Variants in SLC24A3 observed in about 807,000 individuals in gnomAD.
SLC24A3 encodes sodium/potassium/calcium exchanger 3.
A neutral mutation model predicts 75.8 loss-of-function variants in SLC24A3; 28 were observed. The observed-to-expected ratio is 0.37, with a 90% CI of 0.27 to 0.51. The LOEUF (loss-of-function observed/expected upper bound fraction) is 0.51, where lower values mean the gene tolerates loss of function less well. Ranked by LOEUF, SLC24A3 falls within the 20% of genes least tolerant of loss-of-function variation. The pLI, the probability that SLC24A3 is intolerant of heterozygous loss-of-function variation, is 0.94. For synonymous variants in SLC24A3, 372 were observed against 334.1 expected, an observed-to-expected ratio of 1.11 and a Z score of -1.24; for missense variants, 663 against 847.8, an observed-to-expected ratio of 0.78 and a Z score of 2.71.
intron 2 of SLC24A3, among the ~76,000 whole-genome samples, chr20:19,478,093 G>T (rs1313058928): frequency 1.3e-5 from 2 of 152,176 alleles, no homozygotes; most frequent in African/African-American, 4.8e-5. Flanking sequence ...GTTATTTGCA[G>T]GGATTTCATT....
At chr20:19,214,587 AT>A (rs1291543186) in intron 1 of SLC24A3, among the ~76,000 whole-genome samples, 1 of 152,044 alleles carries the variant, frequency 6.6e-6, no homozygotes, top group East Asian at 1.9e-4. Context: ...TATAAAAGAC[AT>A]TTTTTTCTGG....
At chr20:19,280,872 G>A in intron 1 of SLC24A3, 87 bp from the exon 2 acceptor site, 1 of 1,508,130 alleles carries the variant, frequency 6.6e-7, no homozygotes, top group Non-Finnish European at 8.9e-7. Context: ...AACAAGTGAT[G>A]GCTGATCAGG....
At chr20:19,604,666 G>A (rs990629584) in intron 6 of SLC24A3, among the ~76,000 whole-genome samples, 2 of 152,178 alleles carry the variant, frequency 1.3e-5, no homozygotes, top group African/African-American at 4.8e-5. Flanking sequence ...TTATTGTCAT[G>A]GACCAAGCAT....
intron 1 of SLC24A3, among the ~76,000 whole-genome samples, chr20:19,256,948 G>C (rs914600447): frequency 4.6e-5 from 7 of 152,036 alleles, no homozygotes; most frequent in Non-Finnish European, 8.8e-5. Flanking sequence ...TAATATGTCT[G>C]CTAGAAAATC....
chr20:19,297,104 A>G (rs1044938254), intron 2 of SLC24A3, among the ~76,000 whole-genome samples: 1 of 152,186 alleles, frequency 6.6e-6, no homozygotes. Context: ...ACATTTTACT[A>G]TACTGGCTAT....
At chr20:19,688,483 G>A (rs2032706068) in intron 12 of SLC24A3, among the ~76,000 whole-genome samples, 2 of 152,234 alleles carry the variant, frequency 1.3e-5, no homozygotes, top group Admixed American at 1.3e-4. Context: ...AGCCAGGCCC[G>A]CTTCCTGGGG....
intron 2 of SLC24A3, among the ~76,000 whole-genome samples, chr20:19,290,399 A>G (rs1230536299): frequency 3.3e-5 from 5 of 152,182 alleles, no homozygotes; most frequent in Non-Finnish European, 7.4e-5. Flanking sequence ...ATAGTGTTAG[A>G]AGATGGAGCT....
rs374379887 is a variant in SLC24A3, at chr20:19,625,841, G to A, written c.613-28221G>A. Among the ~76,000 whole-genome samples, 6 of 152,230 alleles carry A rather than the reference G, an allele frequency of 3.9e-5. No individual in the cohort carries two copies. The South Asian group carries it at 1.2e-3, about 32-fold the overall frequency. ...AAATATATATATATCTTTCCCTGAA[G>A]TCCCAGTTTCCCATTTCATCCCATC... On this transcript the variant is annotated intron_variant, in intron 6 of 16. Transcript: ENST00000328041.
At chr20:19,401,259 G>C (rs1242583432) in intron 2 of SLC24A3, among the ~76,000 whole-genome samples, 2 of 152,198 alleles carry the variant, frequency 1.3e-5, no homozygotes, top group African/African-American at 4.8e-5. Context: ...GGATGGTGCT[G>C]CCAATGATGA....
chr20:19,370,516 C>T (rs567686359), intron 2 of SLC24A3, among the ~76,000 whole-genome samples: 1 of 152,346 alleles, frequency 6.6e-6, no homozygotes, highest in East Asian at 1.9e-4. Flanking sequence ...CCTCATGGTC[C>T]TATGGCTTGA....
chr20:19,628,383 C>T (rs940797499), intron 6 of SLC24A3, among the ~76,000 whole-genome samples: 3 of 152,034 alleles, frequency 2.0e-5, no homozygotes, highest in African/African-American at 7.3e-5. Flanking sequence ...AATGTATAAA[C>T]CACATTGCCT....
At chr20:19,363,563 C>T (rs1234600034) in intron 2 of SLC24A3, among the ~76,000 whole-genome samples, 2 of 152,162 alleles carry the variant, frequency 1.3e-5, no homozygotes, top group African/African-American at 4.8e-5. Flanking sequence ...CATGTGTCTG[C>T]TGGGGATGCC....
chr20:19,385,567 C>G (rs1426438504), intron 2 of SLC24A3, among the ~76,000 whole-genome samples: 4 of 151,774 alleles, frequency 2.6e-5, no homozygotes, highest in African/African-American at 9.7e-5. Flanking sequence ...CGTGATGCCT[C>G]CAGCTTTGTT....
intron 9 of SLC24A3, among the ~76,000 whole-genome samples, chr20:19,675,001 G>A (rs2032507688): frequency 6.6e-6 from 1 of 152,222 alleles, no homozygotes; most frequent in South Asian, 2.1e-4. Flanking sequence ...AATGAGCTGA[G>A]ATCGCGCCAC....
chr20:19,561,881 A>G (rs2030879458), intron 3 of SLC24A3, among the ~76,000 whole-genome samples: 1 of 152,104 alleles, frequency 6.6e-6, no homozygotes, highest in South Asian at 2.1e-4. Context: ...CTGGTTTGTA[A>G]CCACAGTATC....
chr20:19,390,702 T>C (rs1986351276), intron 2 of SLC24A3, among the ~76,000 whole-genome samples: 1 of 152,162 alleles, frequency 6.6e-6, no homozygotes, highest in South Asian at 2.1e-4. Context: ...GAATTTCCTG[T>C]ATCAGCTATA....
intron 2 of SLC24A3, among the ~76,000 whole-genome samples, chr20:19,434,032 C>A (rs1235177458): frequency 1.3e-5 from 2 of 152,164 alleles, no homozygotes; most frequent in Admixed American, 6.5e-5. Context: ...AGCTGGTTAA[C>A]CCTGGGAGGG....
At position 19,654,144 on chromosome 20, in the gene SLC24A3, ACT is replaced by A. The variant is rs750148931; in HGVS notation, c.687+11_687+12del. 7 of 1,612,576 alleles carry A rather than the reference ACT, an allele frequency of 4.3e-6. No homozygotes were observed. The highest frequency in any genetic ancestry group is 1.3e-5 in the African/African-American group (1 of 74,846). On this transcript the variant is annotated intron_variant, in intron 7 of 16. Transcript: ENST00000328041. ...GTGATCGCGCTCATCGTGGTGAGTCACTCTGGCCATTTCAGCTCCCATCAGTG... is the reference window on the plus strand; with the variant it reads ...GTGATCGCGCTCATCGTGGTGAGTCACTGGCCATTTCAGCTCCCATCAGTG...
chr20:19,698,605 C>T lies in SLC24A3; in HGVS notation c.1644C>T (p.Ser548=). The change falls in exon 15 of 17, where the codon AGC becomes AGT. Residue 548 remains serine (S), a synonymous_variant. Coordinates refer to ENST00000328041, the MANE Select transcript of SLC24A3 (RefSeq NM_020689.4). ...GDMAVSNSIG[S]NVFDILIGLG... ...TGGCTGTGTCCAACTCCATTGGGAG[C>T]AACGTGTTTGACATCCTGATTGGCC... 6.3e-7 allele frequency: 1 copy of T among 1,594,386 alleles called. No homozygotes were observed. The highest frequency in any genetic ancestry group is 2.3e-5 in the East Asian group (1 of 44,248).
Sources: gnomAD v4.1 joint callset for allele counts (sites outside exome capture counted in the v4.1 genomes callset) on GRCh38, gnomAD v4.1.1 for gene constraint, MANE v1.5 for transcripts, NCBI Gene and HGNC (gene_info 2026-07-23, HGNC 2026-07-21) for gene names.